The following MEGF11 variants were observed in gnomAD, a reference collection of about 807,000 sequenced individuals.
MEGF11 encodes the protein multiple epidermal growth factor-like domains protein 11.
In MEGF11, 126 loss-of-function variants were observed where a neutral mutation model predicts 146.6. The ratio of observed to expected loss-of-function variants is 0.86; its 90% confidence interval spans 0.74 to 1.00. The LOEUF (loss-of-function observed/expected upper bound fraction) is 1.00. MEGF11 is among the 50% of genes least tolerant of loss of function. The pLI is 0.00. For synonymous variants in MEGF11, 532 were observed against 583.4 expected, an observed-to-expected ratio of 0.91 and a Z score of 1.27; for missense variants, 1,509 against 1,521.2, an observed-to-expected ratio of 0.99 and a Z score of 0.13.
At chr15:66,103,189 A>G (rs973519) in intron 4 of MEGF11, among the ~76,000 whole-genome samples, 6,410 of 152,328 alleles carry the variant, frequency 0.042, 249 homozygotes, top group East Asian at 0.14. Flanking sequence ...CTGCAGCCAT[A>G]TCCCATCAGC....
intron 4 of MEGF11, among the ~76,000 whole-genome samples, chr15:66,115,792 G>A (rs1371745718): frequency 6.6e-6 from 1 of 152,184 alleles, no homozygotes. Context: ...TGAAGCCACG[G>A]GAAGAACACC....
chr15:65,908,191 C>G (rs1042048517), intron 23 of MEGF11, among the ~76,000 whole-genome samples: 1 of 152,194 alleles, frequency 6.6e-6, no homozygotes, highest in Non-Finnish European at 1.5e-5. Context: ...TCAGAACATT[C>G]ACCCTTCCTG....
intron 4 of MEGF11, among the ~76,000 whole-genome samples, chr15:66,111,325 TTC>T (rs556899185): frequency 1.2e-3 from 189 of 152,314 alleles, no homozygotes; most frequent in African/African-American, 4.5e-3. Context: ...CCCATTCCAC[TTC>T]TCTCTGTAAA....
At position 65,917,986 on chromosome 15, in the gene MEGF11, A is replaced by C; in HGVS notation, c.2066T>G (p.Ile689Ser). 6.2e-7 allele frequency: 1 copy of C among 1,613,996 alleles called. No homozygotes were observed. The highest frequency in any genetic ancestry group is 8.5e-7 in the Non-Finnish European group (1 of 1,179,872). The change falls in exon 16 of 26, where the codon ATT becomes AGT. Residue 689 changes from isoleucine to serine, a missense_variant. Ile to Ser is a moderately radical substitution (Grantham distance 142). Transcript: ENST00000395614. ...DGSCQCFPGWIGKDCSQACPP... is the reference protein window; with the variant it reads ...DGSCQCFPGWSGKDCSQACPP... ...CTTACCCTGTGAGCAGTCCTTGCCA[A>C]TCCATCCAGGAAAGCACTGGCAGGA...
At position 65,897,699 on chromosome 15, in the gene MEGF11, A is replaced by G; in HGVS notation, c.*235T>C. On this transcript the variant is annotated 3_prime_UTR_variant, in exon 26 of 26. Transcript: ENST00000395614. The stretch of plus-strand genomic sequence containing the variant: ...AGCTGTATCTTAAAATGTTTTAAAA[A>G]TCATATAATCCAGGGCATTTGGGGC... 2 of 358,272 alleles carry G rather than the reference A, an allele frequency of 5.6e-6. No individual in the cohort carries two copies. Among genetic ancestry groups the G allele is most frequent in the Non-Finnish European group, 1.0e-5 (2 of 200,770 alleles). 22.2% of individuals were successfully genotyped at this position (358,272 alleles called of 1,614,324 possible).
chr15:66,099,210 T>C (rs867939854), intron 4 of MEGF11, among the ~76,000 whole-genome samples: 3 of 144,776 alleles, frequency 2.1e-5, no homozygotes, highest in African/African-American at 2.6e-5. Context: ...TTTTCTTTTT[T>C]TTTTTTTTTT....
intron 5 of MEGF11, among the ~76,000 whole-genome samples, chr15:66,035,150 G>A (rs1206526521): frequency 6.6e-6 from 1 of 152,202 alleles, no homozygotes; most frequent in African/African-American, 2.4e-5. Context: ...TAGTTTAAAT[G>A]AGCTGAGGTA....
chr15:66,045,426 G>T (rs333600), intron 5 of MEGF11, among the ~76,000 whole-genome samples: 19 of 152,278 alleles, frequency 1.2e-4, no homozygotes, highest in Admixed American at 3.9e-4. Flanking sequence ...ACTTTCTGAG[G>T]GCTCGCCTGC....
At chr15:66,235,505 G>GAA (rs34276626) in intron 1 of MEGF11, among the ~76,000 whole-genome samples, 3 of 119,448 alleles carry the variant, frequency 2.5e-5, no homozygotes, top group Non-Finnish European at 5.0e-5. Context: ...CTGTCTCAAA[G>GAA]AAAAAAAAAA....
chr15:65,913,602 C>G, intron 20 of MEGF11, 135 bp downstream of exon 20: 1 of 769,154 alleles, frequency 1.3e-6, no homozygotes, highest in East Asian at 2.7e-5. Context: ...GCTCCTGCTC[C>G]CCATCCCCAC....
At chr15:66,196,816 A>C (rs1377888594) in intron 1 of MEGF11, among the ~76,000 whole-genome samples, 1 of 152,228 alleles carries the variant, frequency 6.6e-6, no homozygotes, top group African/African-American at 2.4e-5. Flanking sequence ...CTGGGAAAGA[A>C]ACATGACTGG....
chr15:65,991,346 C>G (rs1047931588), intron 5 of MEGF11, among the ~76,000 whole-genome samples: 10 of 152,136 alleles, frequency 6.6e-5, no homozygotes, highest in Non-Finnish European at 1.5e-4. Flanking sequence ...CTGCCTCATT[C>G]CAAAGAGGAT....
chr15:65,962,343 A>G (rs2080888191), intron 9 of MEGF11, among the ~76,000 whole-genome samples: 1 of 151,786 alleles, frequency 6.6e-6, no homozygotes, highest in Non-Finnish European at 1.5e-5. Context: ...GCCCCACCCC[A>G]CCCTGGGACA....
At chr15:66,241,647 C>A (rs1162537330) in intron 1 of MEGF11, among the ~76,000 whole-genome samples, 1 of 152,062 alleles carries the variant, frequency 6.6e-6, no homozygotes, top group Non-Finnish European at 1.5e-5. Context: ...TTAGAGGGGA[C>A]CCAGGTCCAG....
chr15:66,047,098 G>C (rs575961546), intron 5 of MEGF11, among the ~76,000 whole-genome samples: 2 of 152,344 alleles, frequency 1.3e-5, no homozygotes, highest in South Asian at 2.1e-4. Context: ...GTGTTGTGCT[G>C]ACCTCTGCCT....
chr15:66,169,364 TCTAGACTCGAGAGA>T (rs2090183779), intron 1 of MEGF11, among the ~76,000 whole-genome samples: 1 of 152,150 alleles, frequency 6.6e-6, no homozygotes, highest in African/African-American at 2.4e-5. Context: ...GGCCCAGATG[TCTAGACTCGAGAGA>T]CTTGGCCGGG....
intron 1 of MEGF11, among the ~76,000 whole-genome samples, chr15:66,170,442 T>G (rs575617351): frequency 1.4e-4 from 21 of 152,330 alleles, no homozygotes; most frequent in African/African-American, 5.1e-4. Flanking sequence ...TACAGGGAAG[T>G]CTACAGGGTG....
intron 1 of MEGF11, among the ~76,000 whole-genome samples, chr15:66,207,253 C>A (rs2091322150): frequency 6.6e-6 from 1 of 152,160 alleles, no homozygotes; most frequent in Non-Finnish European, 1.5e-5. Context: ...CTAGACACAT[C>A]ATAATCAAAC....
intron 1 of MEGF11, among the ~76,000 whole-genome samples, chr15:66,212,261 AC>A (rs2091478894): frequency 6.6e-6 from 1 of 151,860 alleles, no homozygotes; most frequent in Admixed American, 6.6e-5. Flanking sequence ...GGGATGGCGG[AC>A]CCCTCTCACA....
Sources: allele counts gnomAD v4.1 joint callset (sites outside exome capture counted in the v4.1 genomes callset), GRCh38; gene constraint gnomAD v4.1.1; transcripts MANE v1.5; gene names NCBI Gene and HGNC (gene_info 2026-07-23, HGNC 2026-07-21).